CNTN3: variants seen among roughly 807,000 people sequenced by gnomAD.
CNTN3 encodes the protein contactin 3.
Under a neutral mutation model 119.1 loss-of-function variants are expected in CNTN3, and 60 were observed. That is an observed-to-expected ratio of 0.50 (90% CI 0.41 to 0.62). The LOEUF (loss-of-function observed/expected upper bound fraction) is 0.62, where lower values mean the gene tolerates loss of function less well. Among genes scored for constraint, CNTN3 ranks in the 20% least tolerant of loss-of-function variants. The pLI, the probability that CNTN3 is intolerant of heterozygous loss-of-function variation, is 0.00. For missense variants in CNTN3, 1,101 were observed against 1,242.4 expected (o/e 0.89, Z 1.71); for synonymous variants, 450 against 438.7 (o/e 1.03, Z -0.32).
chr3:74,387,962 T>C (rs1437846263), intron 5 of CNTN3, among the ~76,000 whole-genome samples: 2 of 152,216 alleles, frequency 1.3e-5, no homozygotes, highest in East Asian at 1.9e-4. Flanking sequence ...ATTAAAAATG[T>C]TCTTTTCTCT....
intron 1 of CNTN3, among the ~76,000 whole-genome samples, chr3:74,539,630 T>A (rs1703813595): frequency 1.3e-5 from 2 of 152,212 alleles, no homozygotes; most frequent in Non-Finnish European, 2.9e-5. Flanking sequence ...AGTCCCTACA[T>A]AGATATCTGT....
intron 11 of CNTN3, among the ~76,000 whole-genome samples, chr3:74,355,542 A>G (rs1703915345): frequency 6.6e-6 from 1 of 151,254 alleles, no homozygotes; most frequent in African/African-American, 2.4e-5. Flanking sequence ...GCAACCTCCA[A>G]CTCCTGGGTT....
chr3:74,546,233 G>A (rs1559652681), intron 1 of CNTN3, among the ~76,000 whole-genome samples: 2 of 152,120 alleles, frequency 1.3e-5, no homozygotes, highest in African/African-American at 4.8e-5. Flanking sequence ...TTGACCTCAT[G>A]ATCAGCACGC....
chr3:74,286,075 T>C lies in CNTN3; in HGVS notation c.2518-584A>G, dbSNP rs141562652. On this transcript the variant is annotated intron_variant, in intron 19 of 22. Coordinates refer to ENST00000263665, the MANE Select transcript of CNTN3 (RefSeq NM_020872.3). ...AGAACAGACTATCTCTATGCTAATTTGGATTTGATAGGCACAACTACAGTA... is the reference window on the plus strand; with the variant it reads ...AGAACAGACTATCTCTATGCTAATTCGGATTTGATAGGCACAACTACAGTA... Among the ~76,000 whole-genome samples the C allele has an allele frequency of 5.9e-3, 898 of 152,110 alleles. 10 individuals carry two copies. The highest frequency in any genetic ancestry group is 0.012 in the South Asian group (59 of 4,820).
At chr3:74,302,860 G>C in intron 13 of CNTN3, 53 bp from the exon 14 acceptor site, 3 of 1,204,958 alleles carry the variant, frequency 2.5e-6, no homozygotes, top group Non-Finnish European at 3.6e-6. Context: ...AAAACACAAA[G>C]AAGTTTGAAG....
chr3:74,499,571 T>A (rs1050583472), intron 3 of CNTN3, 88 bp downstream of exon 3: 392 of 1,296,930 alleles, frequency 3.0e-4, no homozygotes, highest in Non-Finnish European at 3.9e-4. Context: ...ACTGATGGCA[T>A]AAATATATTG....
chr3:74,311,119 C>T (rs1323571953), intron 13 of CNTN3, among the ~76,000 whole-genome samples: 1 of 152,180 alleles, frequency 6.6e-6, no homozygotes, highest in African/African-American at 2.4e-5. Flanking sequence ...CAATTTGTGT[C>T]AGTAGCCTGT....
intron 5 of CNTN3, among the ~76,000 whole-genome samples, chr3:74,414,228 C>T (rs369300753): frequency 1.3e-5 from 2 of 152,082 alleles, no homozygotes; most frequent in Non-Finnish European, 2.9e-5. Flanking sequence ...ACTTTTGTCT[C>T]TCCAAGACAG....
In CNTN3 at chr3:74,309,681, T is replaced by C. The variant is rs552986729; in HGVS notation, c.1669-6874A>G. Among the ~76,000 whole-genome samples, 148 of 152,348 alleles carry C rather than the reference T, an allele frequency of 9.7e-4. 4 individuals are homozygous for C. In the South Asian group the frequency reaches 0.029, roughly 30 times the overall value. ...AAAAAAATTATTAAACCTCCTGGGATATTGCATTCCTCATCTTTACTCTTC... is the reference window on the plus strand; with the variant it reads ...AAAAAAATTATTAAACCTCCTGGGACATTGCATTCCTCATCTTTACTCTTC... On this transcript the variant is annotated intron_variant, in intron 13 of 22. Transcript: ENST00000263665.
intron 2 of CNTN3, among the ~76,000 whole-genome samples, chr3:74,507,128 C>A (rs1703275720): frequency 6.6e-6 from 1 of 152,076 alleles, no homozygotes. Flanking sequence ...CTATTAAGAA[C>A]TAATACTAGG....
chr3:74,276,377 C>T (rs1208540329), intron 20 of CNTN3, among the ~76,000 whole-genome samples: 1 of 152,008 alleles, frequency 6.6e-6, no homozygotes, highest in Non-Finnish European at 1.5e-5. Context: ...CAAGATAGAC[C>T]AAATGATAGG....
intron 1 of CNTN3, among the ~76,000 whole-genome samples, chr3:74,592,619 G>A (rs1359157486): frequency 6.6e-6 from 1 of 151,916 alleles, no homozygotes; most frequent in Non-Finnish European, 1.5e-5. Flanking sequence ...GTGATATGCT[G>A]AGTCACTGTT....
At position 74,264,187 on chromosome 3, in the gene CNTN3, T is replaced by C. The variant is rs1447552217; in HGVS notation, c.*214A>G. ...TATCAAAAGTCTGAAGTATGTAATA[T>C]GTAAATTCCTTTGGTTTATCAAGTT... On this transcript the variant is annotated 3_prime_UTR_variant, in exon 23 of 23. Coordinates refer to ENST00000263665, the MANE Select transcript of CNTN3 (RefSeq NM_020872.3). 2 of 371,014 alleles carry C rather than the reference T, an allele frequency of 5.4e-6. No homozygotes were observed. The highest frequency in any genetic ancestry group is 4.2e-5 in the African/African-American group (2 of 47,812). 23.0% of individuals were successfully genotyped at this position (371,014 alleles called of 1,614,324 possible). A position where few individuals can be genotyped will look rare whatever the true frequency, so the allele number is the denominator to read the frequency against.
chr3:74,404,128 C>T (rs1390142697), intron 5 of CNTN3, among the ~76,000 whole-genome samples: 1 of 152,086 alleles, frequency 6.6e-6, no homozygotes, highest in Non-Finnish European at 1.5e-5. Context: ...CAATACAATA[C>T]TTTGAATACG....
intron 5 of CNTN3, among the ~76,000 whole-genome samples, chr3:74,389,567 C>T (rs900027247): frequency 3.9e-5 from 6 of 151,978 alleles, no homozygotes; most frequent in African/African-American, 1.2e-4. Context: ...GAGAATTGAC[C>T]GTGTCATGTG....
intron 1 of CNTN3, among the ~76,000 whole-genome samples, chr3:74,564,195 G>T (rs1341049023): frequency 1.3e-5 from 2 of 152,060 alleles, no homozygotes; most frequent in Non-Finnish European, 2.9e-5. Context: ...GCTGAAATAA[G>T]AAACAATGAG....
intron 4 of CNTN3, among the ~76,000 whole-genome samples, chr3:74,484,058 T>C (rs1421586615): frequency 1.3e-5 from 2 of 152,226 alleles, no homozygotes; most frequent in Non-Finnish European, 2.9e-5. Flanking sequence ...GAATCCATAG[T>C]AGAAAAACAT....
intron 11 of CNTN3, among the ~76,000 whole-genome samples, chr3:74,345,722 G>A (rs756877967): frequency 3.3e-5 from 5 of 152,170 alleles, no homozygotes; most frequent in Non-Finnish European, 5.9e-5. Context: ...TTCTTGGCCA[G>A]GAGGAGTTGT....
chr3:74,309,559 A>G (rs1412566379), intron 13 of CNTN3, among the ~76,000 whole-genome samples: 1 of 152,210 alleles, frequency 6.6e-6, no homozygotes, highest in African/African-American at 2.4e-5. Context: ...TTTTTAAGAA[A>G]ATACCAGAAA....
Sources: allele counts gnomAD v4.1 joint callset (sites outside exome capture counted in the v4.1 genomes callset), GRCh38; gene constraint gnomAD v4.1.1; transcripts MANE v1.5; gene names NCBI Gene and HGNC (gene_info 2026-07-23, HGNC 2026-07-21).